Variants in OTUD7A observed in about 807,000 individuals in gnomAD.
The protein encoded by OTUD7A is OTU domain-containing protein 7A.
Under a neutral mutation model 65.7 loss-of-function variants are expected in OTUD7A, and 12 were observed. The ratio of observed to expected loss-of-function variants is 0.18; its 90% CI spans 0.12 to 0.30. The LOEUF is 0.30. OTUD7A is among the 10% of genes least tolerant of loss of function. The pLI, the probability that OTUD7A is intolerant of heterozygous loss-of-function variation, is 1.00. For missense variants in OTUD7A, 1,148 were observed against 1,304.8 expected (o/e 0.88, Z 1.85); for synonymous variants, 641 against 586.3 (o/e 1.09, Z -1.35).
chr15:31,661,982 T>C (rs1892178322), intron 1 of OTUD7A, among the ~76,000 whole-genome samples: 2 of 152,210 alleles, frequency 1.3e-5, no homozygotes, highest in South Asian at 4.1e-4. Context: ...TATGGTGCCA[T>C]GTCACATGCT....
intron 1 of OTUD7A, among the ~76,000 whole-genome samples, chr15:31,670,394 C>A (rs1231431942): frequency 6.6e-6 from 1 of 152,220 alleles, no homozygotes; most frequent in Non-Finnish European, 1.5e-5. Context: ...TACATTCCCA[C>A]TAACAGTATA....
intron 1 of OTUD7A, among the ~76,000 whole-genome samples, chr15:31,862,649 G>T (rs1012704008): frequency 7.3e-6 from 1 of 137,910 alleles, no homozygotes. Flanking sequence ...ACCATCCCCT[G>T]TGATTCAATA....
chr15:31,845,047 A>T (rs1342914397), intron 1 of OTUD7A, among the ~76,000 whole-genome samples: 1 of 152,206 alleles, frequency 6.6e-6, no homozygotes, highest in Admixed American at 6.5e-5. Context: ...TTCACAGTCG[A>T]TAGGAGGCAC....
intron 1 of OTUD7A, among the ~76,000 whole-genome samples, chr15:31,849,866 A>T (rs1207893816): frequency 6.6e-6 from 1 of 152,256 alleles, no homozygotes; most frequent in Non-Finnish European, 1.5e-5. Flanking sequence ...ATCTCACACC[A>T]GTTAGAATGG....
chr15:31,536,490 A>G (rs1394201205), intron 5 of OTUD7A, among the ~76,000 whole-genome samples: 1 of 152,226 alleles, frequency 6.6e-6, no homozygotes, highest in Non-Finnish European at 1.5e-5. Flanking sequence ...TTTATAATAG[A>G]TATTTCCAAG....
chr15:31,575,676 G>T (rs1331586810), intron 3 of OTUD7A, among the ~76,000 whole-genome samples: 1 of 152,184 alleles, frequency 6.6e-6, no homozygotes, highest in Admixed American at 6.5e-5. Flanking sequence ...AGGATAAAAA[G>T]CCAGGAGCAT....
intron 1 of OTUD7A, among the ~76,000 whole-genome samples, chr15:31,682,238 C>T (rs916087767): frequency 3.9e-5 from 6 of 152,148 alleles, no homozygotes; most frequent in Non-Finnish European, 8.8e-5. Context: ...ACAAAAGAGA[C>T]CAAAATTGAC....
At chr15:31,767,451 T>A in intron 1 of OTUD7A, 1 of 774,054 alleles carries the variant, frequency 1.3e-6, no homozygotes, top group South Asian at 1.3e-5. Flanking sequence ...TCTTGGCCAA[T>A]TTGCTAGGCA....
At chr15:31,867,168 G>C (rs1206539043) in intron 1 of OTUD7A, among the ~76,000 whole-genome samples, 2 of 152,122 alleles carry the variant, frequency 1.3e-5, no homozygotes, top group East Asian at 1.9e-4. Flanking sequence ...AAGTCTCCCA[G>C]GGAACATGTG....
intron 7 of OTUD7A, 73 bp from the exon 8 acceptor site, chr15:31,526,534 T>C: frequency 7.8e-7 from 1 of 1,276,220 alleles, no homozygotes; most frequent in Non-Finnish European, 1.1e-6. Flanking sequence ...ACCCTCCCAA[T>C]CTGGACCAGC....
At chr15:31,718,959 A>C (rs186721777) in intron 1 of OTUD7A, among the ~76,000 whole-genome samples, 1 of 150,582 alleles carries the variant, frequency 6.6e-6, no homozygotes, top group Admixed American at 6.6e-5. Flanking sequence ...GCTATTCTAC[A>C]GGCTTCTATT....
Position 31,484,023 on chromosome 15 carries a change from G to T in OTUD7A, c.2073C>A (p.Ala691=). The change falls in exon 13 of 13, where the codon GCC becomes GCA. Residue 691 remains alanine (A), a synonymous_variant. Coordinates refer to ENST00000307050, the MANE Select transcript of OTUD7A (RefSeq NM_001382637.1). This position sits in a 1 kb window ranked among gnomAD's most constrained non-coding sequence, Gnocchi z 4.5. Reference sequence around the variant, plus strand: ...GCTTGGCCGTGGCGGCGGCGGCGGCGGCGGCAGCGGCGGCCGCAGTAGCGG... The same window carrying T: ...GCTTGGCCGTGGCGGCGGCGGCGGCTGCGGCAGCGGCGGCCGCAGTAGCGG... ...RDAATAAAAA[A]AAAAATAKRP... 8.1e-7 allele frequency: 1 copy of T among 1,227,960 alleles called. No homozygotes were observed. Among genetic ancestry groups the T allele is most frequent in the East Asian group, 3.3e-5 (1 of 30,580 alleles). The allele number at this position is 1,227,960 out of a possible 1,614,324, so 76.1% of individuals were successfully genotyped here. A position where few individuals can be genotyped will look rare whatever the true frequency, so the allele number is the denominator to read the frequency against.
chr15:31,800,027 C>T (rs1896077280), intron 1 of OTUD7A, among the ~76,000 whole-genome samples: 2 of 152,252 alleles, frequency 1.3e-5, no homozygotes, highest in Admixed American at 6.5e-5. Context: ...TTTATTACAC[C>T]AGAAACCGCA....
At chr15:31,660,020 C>T (rs1892114710) in intron 1 of OTUD7A, among the ~76,000 whole-genome samples, 1 of 152,286 alleles carries the variant, frequency 6.6e-6, no homozygotes, top group South Asian at 2.1e-4. Flanking sequence ...AGTAAGGATA[C>T]AGTGAGATGA....
intron 4 of OTUD7A, among the ~76,000 whole-genome samples, chr15:31,560,600 G>A (rs1334685193): frequency 6.6e-6 from 1 of 152,224 alleles, no homozygotes; most frequent in Non-Finnish European, 1.5e-5. Context: ...GTAAGGAGAA[G>A]TCTTTTTAGC....
chr15:31,536,992 CACATTATAT>C (rs1887822763), intron 5 of OTUD7A, among the ~76,000 whole-genome samples: 1 of 152,078 alleles, frequency 6.6e-6, no homozygotes, highest in South Asian at 2.1e-4. Context: ...TCAATCACTA[CACATTATAT>C]ACATGTAACG....
At chr15:31,494,011 C>A (rs879145235) in intron 10 of OTUD7A, among the ~76,000 whole-genome samples, 1 of 152,252 alleles carries the variant, frequency 6.6e-6, no homozygotes, top group Non-Finnish European at 1.5e-5. Context: ...ATAGCCTGTA[C>A]GTGAGGCCAA....
At chr15:31,539,415 C>T (rs1401514350) in intron 5 of OTUD7A, among the ~76,000 whole-genome samples, 1 of 152,118 alleles carries the variant, frequency 6.6e-6, no homozygotes, top group African/African-American at 2.4e-5. Context: ...GAGGAATTAA[C>T]CCCACTGGAG....
chr15:31,835,730 G>A (rs1897039649), intron 1 of OTUD7A, among the ~76,000 whole-genome samples: 1 of 151,644 alleles, frequency 6.6e-6, no homozygotes, highest in South Asian at 2.1e-4. Context: ...GTATATACAT[G>A]TACACACATA....
Sources: gnomAD v4.1 joint callset for allele counts (sites outside exome capture counted in the v4.1 genomes callset) on GRCh38, gnomAD v4.1.1 for gene constraint, Gnocchi (gnomAD v3.1) non-coding constraint, MANE v1.5 for transcripts, NCBI Gene and HGNC (gene_info 2026-07-23, HGNC 2026-07-21) for gene names.